ASAP1: variants seen among roughly 807,000 people sequenced by gnomAD.
ASAP1 encodes the protein ArfGAP with SH3 domain, ankyrin repeat and PH domain 1, also known as arf-GAP with SH3 domain, ANK repeat and PH domain-containing protein 1.
ASAP1 carries 43 observed loss-of-function variants against 145.2 expected under a neutral mutation model. That is an observed-to-expected ratio of 0.30 (90% CI 0.23 to 0.38). The LOEUF is 0.38. Among genes scored for constraint, ASAP1 ranks in the 10% least tolerant of loss-of-function variants. The pLI is 1.00. For missense variants in ASAP1, 1,018 were observed against 1,355.3 expected (o/e 0.75, Z 3.91); for synonymous variants, 546 against 515.5 (o/e 1.06, Z -0.80).
At chr8:130,388,779 A>C (rs1454569856) in intron 2 of ASAP1, among the ~76,000 whole-genome samples, 3 of 152,108 alleles carry the variant, frequency 2.0e-5, no homozygotes, top group African/African-American at 7.2e-5. Flanking sequence ...CAAAGCTTTG[A>C]GATTTAGAGC....
chr8:130,418,825 G>T (rs1829597338), intron 1 of ASAP1, among the ~76,000 whole-genome samples: 1 of 150,828 alleles, frequency 6.6e-6, no homozygotes, highest in Admixed American at 6.6e-5. Context: ...TCTACAAAAA[G>T]ATCTCCTTCC....
chr8:130,439,283 T>C (rs1456671719), intron 1 of ASAP1, among the ~76,000 whole-genome samples: 1 of 152,190 alleles, frequency 6.6e-6, no homozygotes, highest in African/African-American at 2.4e-5. Flanking sequence ...TAACATCCTC[T>C]GCTAACACCT....
chr8:130,261,822 G>T (rs1008131243), intron 3 of ASAP1, among the ~76,000 whole-genome samples: 1 of 151,846 alleles, frequency 6.6e-6, no homozygotes, highest in East Asian at 1.9e-4. Flanking sequence ...TATAGTCAAG[G>T]GATCTCCCTC....
At chr8:130,256,752 T>TCC (rs1417377987) in intron 3 of ASAP1, among the ~76,000 whole-genome samples, 4 of 41,888 alleles carry the variant, frequency 9.5e-5, no homozygotes, top group East Asian at 1.7e-3. Context: ...TATATATATA[T>TCC]ATATATATAT....
chr8:130,343,777 G>A (rs1341897638), intron 3 of ASAP1, among the ~76,000 whole-genome samples: 2 of 152,218 alleles, frequency 1.3e-5, no homozygotes, highest in Non-Finnish European at 1.5e-5. Context: ...ACAATTGGGA[G>A]CAACTTAAGG....
rs191208865 is a variant in ASAP1, at chr8:130,427,250, A to T, written c.-28+16210T>A. Among the ~76,000 whole-genome samples, 1,306 of 152,240 alleles carry T rather than the reference A, an allele frequency of 8.6e-3. 10 individuals carry two copies. Among genetic ancestry groups the T allele is most frequent in the Middle Eastern group, 0.014 (4 of 294 alleles). On this transcript the variant is annotated intron_variant, in intron 1 of 29. Transcript: ENST00000518721. ...AGAGCAATGGGGACTTCATGGTTAT[A>T]CCTGCCAGTAAGAGTTATCATGGCC...
intron 4 of ASAP1, 62 bp downstream of exon 4, chr8:130,236,860 C>T: frequency 8.2e-7 from 1 of 1,215,402 alleles, no homozygotes; most frequent in Non-Finnish European, 1.1e-6. Flanking sequence ...TTTTAAATAA[C>T]TAACAAAACT....
intron 9 of ASAP1, among the ~76,000 whole-genome samples, chr8:130,172,195 C>G (rs1008162024): frequency 9.2e-5 from 14 of 152,318 alleles, no homozygotes; most frequent in South Asian, 6.2e-4. Flanking sequence ...TTCCCCGGAG[C>G]TGCATAACTT....
At chr8:130,335,587 G>GCATACAAC (rs1216629523) in intron 3 of ASAP1, among the ~76,000 whole-genome samples, 2 of 152,184 alleles carry the variant, frequency 1.3e-5, no homozygotes, top group African/African-American at 4.8e-5. Flanking sequence ...TGCCTAAAGA[G>GCATACAAC]CATACAACCA....
At chr8:130,058,882 G>A (rs1003762907) in intron 28 of ASAP1, among the ~76,000 whole-genome samples, 10 of 152,182 alleles carry the variant, frequency 6.6e-5, no homozygotes, top group Admixed American at 4.6e-4. Flanking sequence ...CCGTGCGGGT[G>A]GGTTGGAGAA....
rs543773331 is a variant in ASAP1, at chr8:130,425,328, T to A, written c.-28+18132A>T. ...GCCTGGGTGACAGAGTGAGACTCCATCTCAAAATATATATATATATGTAAA... is the reference window on the plus strand; with the variant it reads ...GCCTGGGTGACAGAGTGAGACTCCAACTCAAAATATATATATATATGTAAA... On this transcript the variant is annotated intron_variant, in intron 1 of 29. Transcript: ENST00000518721. Among the ~76,000 whole-genome samples the A allele has an allele frequency of 1.1e-4, 17 of 152,094 alleles. No homozygotes were observed. In the South Asian group the frequency reaches 2.7e-3, roughly 24 times the overall value.
intron 26 of ASAP1, among the ~76,000 whole-genome samples, chr8:130,079,125 G>C (rs571155886): frequency 6.6e-6 from 1 of 152,188 alleles, no homozygotes; most frequent in Admixed American, 6.5e-5. Flanking sequence ...AGCCCAGGAG[G>C]TTGAGGCTAC....
chr8:130,066,531 TCCTTTCCTTC>T (rs2097431050), intron 27 of ASAP1, among the ~76,000 whole-genome samples: 1 of 152,150 alleles, frequency 6.6e-6, no homozygotes. Flanking sequence ...TTTTCTTTCT[TCCTTTCCTTC>T]CCTTTCTTTT....
chr8:130,127,744 T>G (rs1209482821), intron 16 of ASAP1, among the ~76,000 whole-genome samples, 183 bp downstream of exon 16: 1 of 152,046 alleles, frequency 6.6e-6, no homozygotes, highest in Non-Finnish European at 1.5e-5. Flanking sequence ...GCTTTCCAGG[T>G]AGAGAAAACA....
At chr8:130,162,331 GGCA>G (rs2097670901) in intron 11 of ASAP1, among the ~76,000 whole-genome samples, 2 of 152,236 alleles carry the variant, frequency 1.3e-5, no homozygotes, top group Admixed American at 1.3e-4. Flanking sequence ...TTTTAAGAGA[GGCA>G]GCAGTGTGTT....
At chr8:130,072,937 GC>G (rs2097452992) in intron 27 of ASAP1, among the ~76,000 whole-genome samples, 1 of 150,698 alleles carries the variant, frequency 6.6e-6, no homozygotes, top group African/African-American at 2.4e-5. Context: ...GGTGTCTGCT[GC>G]TTGGTGTGTG....
intron 23 of ASAP1, among the ~76,000 whole-genome samples, chr8:130,114,890 T>G (rs998450186): frequency 3.3e-5 from 5 of 151,504 alleles, no homozygotes; most frequent in Non-Finnish European, 7.4e-5. Flanking sequence ...TCCTCCTGCC[T>G]CAGCTTGTCA....
intron 3 of ASAP1, among the ~76,000 whole-genome samples, chr8:130,300,184 A>AGAGAGAGAGAGCGC (rs761456724): frequency 6.4e-5 from 9 of 140,362 alleles, no homozygotes; most frequent in African/African-American, 2.5e-4. Context: ...AGAGAGAGAG[A>AGAGAGAGAGAGCGC]GAGCGAGCGA....
At chr8:130,178,827 T>C (rs1220016223) in intron 9 of ASAP1, among the ~76,000 whole-genome samples, 1 of 151,332 alleles carries the variant, frequency 6.6e-6, no homozygotes, top group Non-Finnish European at 1.5e-5. Flanking sequence ...AGGCGGAGAT[T>C]AGAGTGAGCC....
Sources: gnomAD v4.1 joint callset for allele counts (sites outside exome capture counted in the v4.1 genomes callset) on GRCh38, gnomAD v4.1.1 for gene constraint, MANE v1.5 for transcripts, NCBI Gene and HGNC (gene_info 2026-07-23, HGNC 2026-07-21) for gene names.